PIEZO2: variants seen among roughly 807,000 people sequenced by gnomAD.
PIEZO2 encodes piezo-type mechanosensitive ion channel component 2.
In PIEZO2, 172 loss-of-function variants were observed where a neutral mutation model predicts 337.3. The ratio of observed to expected loss-of-function variants is 0.51; its 90% CI spans 0.45 to 0.58. The LOEUF is 0.58. Ranked by LOEUF, PIEZO2 falls within the 20% of genes least tolerant of loss-of-function variation. The pLI, the probability that PIEZO2 is intolerant of heterozygous loss-of-function variation, is 0.00. For synonymous variants in PIEZO2, 1,251 were observed against 1,228.5 expected (o/e 1.02, Z -0.38); for missense variants, 3,028 against 3,391.3 (o/e 0.89, Z 2.66).
At chr18:10,786,223 A>G (rs1352946493) in intron 16 of PIEZO2, among the ~76,000 whole-genome samples, 3 of 152,204 alleles carry the variant, frequency 2.0e-5, no homozygotes, top group African/African-American at 7.2e-5. Flanking sequence ...GACCTGTCAC[A>G]AAGTATAATA....
chr18:10,694,841 CAATA>C (rs10556069), intron 47 of PIEZO2, among the ~76,000 whole-genome samples: 54,052 of 151,018 alleles, frequency 0.36, 9,647 homozygotes, highest in Non-Finnish European at 0.38. Context: ...TCCCTAAAAA[CAATA>C]AATAAATAAA....
rs762874609 is a variant in PIEZO2, at chr18:10,758,063, G to C, written c.3829C>G (p.Arg1277Gly). The C allele has an allele frequency of 6.5e-7, 1 of 1,537,404 alleles. No individual in the cohort carries two copies. The highest frequency in any genetic ancestry group is 8.7e-7 in the Non-Finnish European group (1 of 1,146,806). The change falls in exon 27 of 56, where the codon CGA becomes GGA. Residue 1277 changes from arginine to glycine, a missense_variant. By Grantham distance (125) the Arg-to-Gly change is moderately radical (BLOSUM62 -2). Coordinates refer to ENST00000674853, the MANE Select transcript of PIEZO2 (RefSeq NM_001378183.1). Reference sequence around the variant, plus strand: ...TCGACATTGTCACCTGCCATGATTCGCACTGCAGCCTTGTTCTCATCCTCA... The same window carrying C: ...TCGACATTGTCACCTGCCATGATTCCCACTGCAGCCTTGTTCTCATCCTCA... ...IFEDENKAAV[R>G]IMAGDNVEIC... is the part of the protein sequence containing the mutation.
rs1018278622 is a variant in PIEZO2 at position 11,146,337 on chromosome 18, G to A, written c.64+2188C>T. 3.3e-5 allele frequency among the ~76,000 whole-genome samples: 5 copies of A among 152,166 alleles called. No individual in the cohort carries two copies. Among genetic ancestry groups the A allele is most frequent in the South Asian group, 2.1e-4 (1 of 4,828 alleles). On this transcript the variant is annotated intron_variant, in intron 1 of 55. Transcript: ENST00000674853. The surrounding 1 kb of genome is among the most constrained non-coding windows in gnomAD (Gnocchi z 6.1). The stretch of plus-strand genomic sequence containing the variant: ...GCGGGAGCCCCCAGCCTGCCCTGGG[G>A]CACAAGCCAGCCAGCAGGAGGTGAA...
intron 3 of PIEZO2, among the ~76,000 whole-genome samples, chr18:10,924,797 T>C (rs2031628817): frequency 6.6e-6 from 1 of 152,258 alleles, no homozygotes; most frequent in Non-Finnish European, 1.5e-5. Context: ...GGGCATCTTA[T>C]AAGGCGTTAC....
chr18:10,675,739 G>A (rs1380912585), intron 53 of PIEZO2, among the ~76,000 whole-genome samples: 5 of 152,100 alleles, frequency 3.3e-5, no homozygotes, highest in Admixed American at 6.5e-5. Flanking sequence ...TGTAGCTCCC[G>A]TAATCCCCAC....
At chr18:10,692,161 G>GA (rs760884907) in intron 47 of PIEZO2, among the ~76,000 whole-genome samples, 5 of 151,116 alleles carry the variant, frequency 3.3e-5, no homozygotes, top group South Asian at 2.1e-4. Flanking sequence ...GCACAAGTTT[G>GA]AAAAAAAATA....
intron 7 of PIEZO2, among the ~76,000 whole-genome samples, chr18:10,816,514 A>C (rs552452507): frequency 1.3e-5 from 2 of 152,350 alleles, no homozygotes; most frequent in Non-Finnish European, 2.9e-5. Flanking sequence ...TATCAATCAA[A>C]AATAATCAGA....
At chr18:10,890,303 CT>C (rs1437982737) in intron 4 of PIEZO2, among the ~76,000 whole-genome samples, 6 of 152,126 alleles carry the variant, frequency 3.9e-5, no homozygotes, top group Non-Finnish European at 7.4e-5. Flanking sequence ...CAGAGCAGGC[CT>C]CATTTGTCAA....
At chr18:11,075,834 G>C (rs1462658776) in intron 1 of PIEZO2, among the ~76,000 whole-genome samples, 2 of 149,496 alleles carry the variant, frequency 1.3e-5, no homozygotes, top group Non-Finnish European at 3.0e-5. Flanking sequence ...TGTCACCCAG[G>C]CTGGAGTGCA....
At chr18:10,791,920 AC>A (rs2039422760) in intron 13 of PIEZO2, among the ~76,000 whole-genome samples, 1 of 152,204 alleles carries the variant, frequency 6.6e-6, no homozygotes, top group Non-Finnish European at 1.5e-5. Context: ...TTTAGGAAAT[AC>A]AGTACCTAAC....
At position 10,684,940 on chromosome 18, in the gene PIEZO2, T is replaced by C. The variant is rs544715654; in HGVS notation, c.7498-2648A>G. On this transcript the variant is annotated intron_variant, in intron 49 of 55. Transcript: ENST00000674853. ...CAGAGTGCGGTGTCGTGATCATGGC[T>C]CATGGCAGCCGCTGGTAACTCAGCT... 1.1e-4 allele frequency among the ~76,000 whole-genome samples: 16 copies of C among 152,288 alleles called. No homozygotes were observed. In the South Asian group the frequency reaches 3.3e-3, roughly 32 times the overall value.
At chr18:10,923,999 T>G (rs1364179342) in intron 3 of PIEZO2, among the ~76,000 whole-genome samples, 2 of 152,150 alleles carry the variant, frequency 1.3e-5, no homozygotes, top group East Asian at 3.9e-4. Context: ...ACAAAGTAGG[T>G]GGTAGATAAA....
At chr18:10,937,633 G>T (rs1432716695) in intron 3 of PIEZO2, among the ~76,000 whole-genome samples, 1 of 152,150 alleles carries the variant, frequency 6.6e-6, no homozygotes, top group Non-Finnish European at 1.5e-5. Context: ...CATCAAGCTG[G>T]ATTCCCACAA....
chr18:10,994,478 C>T (rs771923476), intron 2 of PIEZO2, among the ~76,000 whole-genome samples: 2 of 149,480 alleles, frequency 1.3e-5, no homozygotes, highest in South Asian at 2.1e-4. Context: ...GGTGTGATCT[C>T]GGCTCACTGC....
intron 1 of PIEZO2, among the ~76,000 whole-genome samples, chr18:11,081,442 C>T (rs902054696): frequency 2.0e-5 from 3 of 152,132 alleles, no homozygotes; most frequent in Non-Finnish European, 2.9e-5. Flanking sequence ...ATATCCTAAG[C>T]CTCAAGGTAA....
intron 2 of PIEZO2, among the ~76,000 whole-genome samples, chr18:11,054,490 C>G (rs1038477445): frequency 6.6e-6 from 1 of 152,254 alleles, no homozygotes; most frequent in South Asian, 2.1e-4. Flanking sequence ...CAAATATTTA[C>G]TGAACGAACG....
chr18:10,866,603 G>A (rs986888184), intron 5 of PIEZO2, among the ~76,000 whole-genome samples: 3 of 152,158 alleles, frequency 2.0e-5, no homozygotes, highest in African/African-American at 7.2e-5. Flanking sequence ...ATGCAATGAA[G>A]GTGGCTCTCA....
chr18:11,043,243 G>A (rs544684603), intron 2 of PIEZO2, among the ~76,000 whole-genome samples: 88 of 149,336 alleles, frequency 5.9e-4, no homozygotes, highest in African/African-American at 2.1e-3. Flanking sequence ...CCCTTTAAAC[G>A]CACACACACA....
In PIEZO2 at chr18:11,082,247, G is replaced by A. The variant is rs145049769; in HGVS notation, c.65-16025C>T. On this transcript the variant is annotated intron_variant, in intron 1 of 55. Transcript: ENST00000674853. ...ATGGCAAGGGAAAGGAAATATGTATGACAAATACTAATTTTCTTCTACTCG... is the reference window on the plus strand; with the variant it reads ...ATGGCAAGGGAAAGGAAATATGTATAACAAATACTAATTTTCTTCTACTCG... 2.0e-3 allele frequency among the ~76,000 whole-genome samples: 302 copies of A among 152,174 alleles called. 3 individuals are homozygous for A. The highest frequency in any genetic ancestry group is 3.4e-3 in the Middle Eastern group (1 of 292).
Sources: gnomAD v4.1 joint callset for allele counts (sites outside exome capture counted in the v4.1 genomes callset) on GRCh38, gnomAD v4.1.1 for gene constraint, Gnocchi (gnomAD v3.1) non-coding constraint, MANE v1.5 for transcripts, NCBI Gene and HGNC (gene_info 2026-07-23, HGNC 2026-07-21) for gene names.